EXTL3: variants seen among roughly 807,000 people sequenced by gnomAD.
EXTL3 encodes exostosin-like 3.
EXTL3 carries 27 observed loss-of-function variants against 69.3 expected under a neutral mutation model. The ratio of observed to expected loss-of-function variants is 0.39; its 90% CI spans 0.29 to 0.54. The LOEUF is 0.54. Among genes scored for constraint, EXTL3 ranks in the 20% least tolerant of loss-of-function variants. EXTL3 has a pLI of 0.69. For missense variants in EXTL3, 1,003 were observed against 1,231.8 expected, an observed-to-expected ratio of 0.81 and a Z score of 2.78; for synonymous variants, 511 against 499.4, an observed-to-expected ratio of 1.02 and a Z score of -0.31.
intron 1 of EXTL3, among the ~76,000 whole-genome samples, chr8:28,709,776 C>A (rs975724942): frequency 6.6e-6 from 1 of 152,062 alleles, no homozygotes; most frequent in Non-Finnish European, 1.5e-5. Flanking sequence ...TGCAGATAAT[C>A]GCAGTTTGCT....
At chr8:28,660,303 G>T (rs1195086041) in intron 1 of EXTL3, among the ~76,000 whole-genome samples, 2 of 152,032 alleles carry the variant, frequency 1.3e-5, no homozygotes, top group African/African-American at 4.8e-5. Context: ...GGTTGAGGCT[G>T]CAGTGAGCTG....
chr8:28,664,134 G>A (rs1052373404), intron 1 of EXTL3, among the ~76,000 whole-genome samples: 2 of 152,206 alleles, frequency 1.3e-5, no homozygotes, highest in South Asian at 2.1e-4. Flanking sequence ...CGGATTTGGC[G>A]GGCTGTCATG....
rs767621159 is a variant in EXTL3, at chr8:28,717,028, G to A, written c.969G>A (p.Met323Ile). The part of the protein sequence containing the change: ...DLVVSPLVHA[M>I]SEPNFMEIPP... The stretch of plus-strand genomic sequence containing the variant: ...TCGTATCACCGCTGGTCCATGCCAT[G>A]TCTGAGCCCAACTTCATGGAAATCC... Residue 323 changes from methionine (M) to isoleucine (I), a missense_variant, in exon 3 of 7, where the codon ATG (methionine) becomes ATA (isoleucine). Met to Ile is a conservative substitution (Grantham distance 10, BLOSUM62 1). Transcript: ENST00000220562. This position sits in a 1 kb window ranked among gnomAD's most constrained non-coding sequence, Gnocchi z 8.3. 1.2e-6 allele frequency: 2 copies of A among 1,614,228 alleles called. No homozygotes were observed. The highest frequency in any genetic ancestry group is 1.3e-5 in the African/African-American group (1 of 75,054).
intron 1 of EXTL3, among the ~76,000 whole-genome samples, chr8:28,657,142 C>T (rs1807024532): frequency 6.6e-6 from 1 of 152,046 alleles, no homozygotes; most frequent in Non-Finnish European, 1.5e-5. Context: ...GAGGTTTCGC[C>T]ATGTTGGCCA....
chr8:28,740,211 C>T (rs1487145765), intron 5 of EXTL3: 2 of 152,218 alleles, frequency 1.3e-5, no homozygotes, highest in Admixed American at 6.5e-5. Context: ...GGCGGCTGCT[C>T]CTGTAGTTGA....
chr8:28,690,082 G>A (rs1408710797), intron 1 of EXTL3, among the ~76,000 whole-genome samples: 1 of 151,950 alleles, frequency 6.6e-6, no homozygotes, highest in African/African-American at 2.4e-5. Flanking sequence ...AGGATAAAAG[G>A]GTTGTATTTA....
intron 3 of EXTL3, among the ~76,000 whole-genome samples, chr8:28,729,361 C>T (rs1392066934): frequency 6.7e-6 from 1 of 148,458 alleles, no homozygotes; most frequent in Non-Finnish European, 1.5e-5. Context: ...CTTTGGGAGG[C>T]CAAGGTGGGC....
intron 1 of EXTL3, among the ~76,000 whole-genome samples, chr8:28,630,607 A>T (rs1806557950): frequency 6.6e-6 from 1 of 152,258 alleles, no homozygotes; most frequent in Non-Finnish European, 1.5e-5. Context: ...CATCTGTAAA[A>T]TGCAGTAACA....
chr8:28,628,289 G>C (rs1806524992), intron 1 of EXTL3, among the ~76,000 whole-genome samples: 1 of 152,182 alleles, frequency 6.6e-6, no homozygotes, highest in South Asian at 2.1e-4. Flanking sequence ...TCGAACCCAG[G>C]AGGCAGAGGT....
intron 1 of EXTL3, among the ~76,000 whole-genome samples, chr8:28,660,695 T>C (rs574551924): frequency 1.3e-5 from 2 of 152,174 alleles, no homozygotes; most frequent in East Asian, 3.9e-4. Context: ...CACTAAATAC[T>C]AACTCTCCAT....
upstream of EXTL3, among the ~76,000 whole-genome samples, chr8:28,699,184 T>C (rs997634045): frequency 3.3e-5 from 5 of 151,824 alleles, no homozygotes; most frequent in Admixed American, 2.0e-4. Context: ...TTCCAAAAAA[T>C]AAATAAAAAT....
At chr8:28,696,578 G>C (rs1800689883), upstream of EXTL3, 1 of 148,256 alleles carries the variant, frequency 6.7e-6, no homozygotes, top group Admixed American at 6.7e-5. Context: ...TTTTTTTTTC[G>C]AGATGGAATC....
intron 1 of EXTL3, among the ~76,000 whole-genome samples, chr8:28,694,570 T>G (rs892415449): frequency 1.3e-5 from 2 of 152,194 alleles, no homozygotes; most frequent in Admixed American, 1.3e-4. Context: ...CACCACTTAC[T>G]AGGCTGGTGA....
chr8:28,645,282 C>T (rs76746083), intron 1 of EXTL3, among the ~76,000 whole-genome samples: 3,573 of 152,290 alleles, frequency 0.023, 117 homozygotes, highest in African/African-American at 0.073. Context: ...AAGTCTACTT[C>T]TGGAAATCTA....
chr8:28,638,197 A>G (rs546566263), intron 1 of EXTL3, among the ~76,000 whole-genome samples: 7 of 152,192 alleles, frequency 4.6e-5, no homozygotes, highest in Non-Finnish European at 5.9e-5. Flanking sequence ...CAAGTGACAG[A>G]ACCCAAACTC....
In EXTL3 at chr8:28,709,779, A is replaced by T. The variant is rs139066655; in HGVS notation, c.-569-3678A>T. Reference sequence around the variant, plus strand: ...GAGTAATGTTCCTGCAGATAATCGCAGTTTGCTATTGTGATAAGGGATGTG... The same window carrying T: ...GAGTAATGTTCCTGCAGATAATCGCTGTTTGCTATTGTGATAAGGGATGTG... On this transcript the variant is annotated intron_variant, in intron 1 of 6. Transcript: ENST00000220562. 2.9e-3 allele frequency among the ~76,000 whole-genome samples: 436 copies of T among 152,234 alleles called. 3 individuals carry two copies. The highest frequency in any genetic ancestry group is 9.9e-3 in the African/African-American group (411 of 41,532).
rs77872848 is a variant in EXTL3 at position 28,753,176 on chromosome 8, A to C, written c.*2310A>C. On this transcript the variant is annotated 3_prime_UTR_variant, in exon 7 of 7. Coordinates refer to ENST00000220562, the MANE Select transcript of EXTL3 (RefSeq NM_001440.4). ...AGGCTCTGAGGGGCACGCCCTCCTC[A>C]GCGAGAGGCAGCAAGGTGGCCACAG... 0.035 allele frequency: 5,292 copies of C among 152,334 alleles called. 130 individuals are homozygous for C. Among genetic ancestry groups the C allele is most frequent in the Non-Finnish European group, 0.056 (3,829 of 68,040 alleles). The allele number at this position is 152,334 out of a possible 1,614,324, so 9.4% of individuals were successfully genotyped here.
intron 1 of EXTL3, among the ~76,000 whole-genome samples, chr8:28,680,945 T>G (rs902973389): frequency 2.0e-5 from 3 of 152,128 alleles, no homozygotes; most frequent in African/African-American, 7.2e-5. Flanking sequence ...TGACACGATC[T>G]CAGCTCACTG....
intron 2 of EXTL3, among the ~76,000 whole-genome samples, chr8:28,610,071 G>T (rs1806251562): frequency 6.6e-6 from 1 of 152,014 alleles, no homozygotes; most frequent in South Asian, 2.1e-4. Context: ...AGGCGTGGTG[G>T]TGGTGCCTGT....
Sources: gnomAD v4.1 joint callset for allele counts (sites outside exome capture counted in the v4.1 genomes callset) on GRCh38, gnomAD v4.1.1 for gene constraint, Gnocchi (gnomAD v3.1) non-coding constraint, MANE v1.5 for transcripts, NCBI Gene and HGNC (gene_info 2026-07-23, HGNC 2026-07-21) for gene names.